PDE4D: variants seen among roughly 807,000 people sequenced by gnomAD.
PDE4D encodes phosphodiesterase 4D.
In PDE4D, 24 loss-of-function variants were observed where a neutral mutation model predicts 87.4. That is an observed-to-expected ratio of 0.27 (90% CI 0.20 to 0.39). The LOEUF (loss-of-function observed/expected upper bound fraction) is 0.39, where lower values mean the gene tolerates loss of function less well. Ranked by LOEUF, PDE4D falls within the 10% of genes least tolerant of loss-of-function variation. PDE4D has a pLI of 1.00. For missense variants in PDE4D, 714 were observed against 1,041.0 expected (o/e 0.69, Z 4.32); for synonymous variants, 384 against 383.2 (o/e 1.00, Z -0.02).
intron 2 of PDE4D, among the ~76,000 whole-genome samples, chr5:60,081,381 C>T (rs1344573201): frequency 6.8e-6 from 1 of 146,764 alleles, no homozygotes; most frequent in African/African-American, 2.5e-5. Flanking sequence ...TTTCATGTCT[C>T]TATCTCCTTC....
At chr5:60,105,736 C>A (rs1269411449) in intron 2 of PDE4D, among the ~76,000 whole-genome samples, 1 of 152,082 alleles carries the variant, frequency 6.6e-6, no homozygotes. Context: ...GAATTTTCAA[C>A]CCAGAATTTC....
intron 3 of PDE4D, among the ~76,000 whole-genome samples, chr5:59,902,163 A>G (rs1427280651): frequency 1.3e-5 from 2 of 152,174 alleles, no homozygotes; most frequent in Admixed American, 6.6e-5. Context: ...GTAGCAGAAG[A>G]CAACAAACAG....
intron 2 of PDE4D, among the ~76,000 whole-genome samples, chr5:60,051,401 C>G (rs1235205012): frequency 6.6e-6 from 1 of 152,178 alleles, no homozygotes; most frequent in Non-Finnish European, 1.5e-5. Context: ...AACCACACAA[C>G]TACATGGAAA....
chr5:59,785,616 A>G (rs776105262), intron 1 of PDE4D, among the ~76,000 whole-genome samples: 1 of 152,226 alleles, frequency 6.6e-6, no homozygotes, highest in Non-Finnish European at 1.5e-5. Flanking sequence ...TGATTAGTGG[A>G]CAGACAGGTG....
intron 2 of PDE4D, among the ~76,000 whole-genome samples, chr5:60,125,365 C>T (rs549854451): frequency 2.0e-5 from 3 of 152,142 alleles, no homozygotes; most frequent in South Asian, 4.1e-4. Context: ...GAAATATATC[C>T]AGATCTTATC....
chr5:59,879,462 G>A (rs1172115604), intron 1 of PDE4D, among the ~76,000 whole-genome samples: 3 of 152,288 alleles, frequency 2.0e-5, no homozygotes, highest in South Asian at 2.1e-4. Flanking sequence ...AATTTCTACT[G>A]TTTAATAATC....
At chr5:59,947,313 T>C (rs927894476) in intron 3 of PDE4D, among the ~76,000 whole-genome samples, 9 of 152,212 alleles carry the variant, frequency 5.9e-5, no homozygotes, top group African/African-American at 2.2e-4. Flanking sequence ...CAGCAGGTTC[T>C]TTCCTTCTCT....
intron 1 of PDE4D, among the ~76,000 whole-genome samples, chr5:59,850,170 A>G (rs1306720383): frequency 1.3e-5 from 2 of 152,064 alleles, no homozygotes; most frequent in East Asian, 3.9e-4. Flanking sequence ...ACATACTGAC[A>G]CATGCACACA....
chr5:59,018,559 TACAA>T (rs965153973), intron 6 of PDE4D, among the ~76,000 whole-genome samples: 15 of 152,276 alleles, frequency 9.9e-5, no homozygotes, highest in South Asian at 2.1e-4. Flanking sequence ...CGAAAAGCCT[TACAA>T]ACAGTGATCA....
At chr5:59,188,972 A>G (rs1263469480) in intron 3 of PDE4D, among the ~76,000 whole-genome samples, 2 of 152,146 alleles carry the variant, frequency 1.3e-5, no homozygotes, top group Non-Finnish European at 2.9e-5. Context: ...AAACGAGGTG[A>G]CTATCTTCTT....
intron 1 of PDE4D, among the ~76,000 whole-genome samples, chr5:60,334,381 T>A (rs1002065706): frequency 2.6e-5 from 4 of 152,158 alleles, no homozygotes; most frequent in Non-Finnish European, 5.9e-5. Context: ...AACATTAACT[T>A]GTTCATCTTG....
At chr5:59,834,369 G>A (rs1261445199) in intron 1 of PDE4D, among the ~76,000 whole-genome samples, 3 of 151,926 alleles carry the variant, frequency 2.0e-5, no homozygotes, top group Non-Finnish European at 4.4e-5. Context: ...ATCATCAGCT[G>A]GACAGTATTG....
chr5:59,939,161 G>A lies in PDE4D; in HGVS notation c.272+49327C>T, dbSNP rs78422441. Reference sequence around the variant, plus strand: ...GGCGGAGTATCCTGTTAAAGCACAAGAATGCAGTGTGCACAAGAAATAAGC... The same window carrying A: ...GGCGGAGTATCCTGTTAAAGCACAAAAATGCAGTGTGCACAAGAAATAAGC... On this transcript the variant is annotated intron_variant, in intron 3 of 16. Coordinates refer to the PDE4D transcript ENST00000502484. Among the ~76,000 whole-genome samples the A allele has an allele frequency of 2.0e-5, 3 of 152,194 alleles. No individual in the cohort carries two copies. In the East Asian group the frequency reaches 5.8e-4, roughly 29 times the overall value.
chr5:60,264,948 C>T (rs1275118145), intron 1 of PDE4D, among the ~76,000 whole-genome samples: 1 of 152,154 alleles, frequency 6.6e-6, no homozygotes, highest in Non-Finnish European at 1.5e-5. Flanking sequence ...CTGTGCTGGA[C>T]ACCAAGGATA....
chr5:59,673,633 G>T (rs1442594245), intron 1 of PDE4D, among the ~76,000 whole-genome samples: 2 of 152,098 alleles, frequency 1.3e-5, no homozygotes, highest in Admixed American at 1.3e-4. Flanking sequence ...GGGAAGCATG[G>T]CGCCATCTAG....
intron 1 of PDE4D, among the ~76,000 whole-genome samples, chr5:60,187,499 T>C (rs1443712380): frequency 1.3e-5 from 2 of 152,220 alleles, no homozygotes; most frequent in African/African-American, 4.8e-5. Context: ...TGAGTAGCCT[T>C]AGGGACAACC....
intron 1 of PDE4D, among the ~76,000 whole-genome samples, chr5:59,408,692 C>T (rs1454994435): frequency 1.3e-5 from 2 of 152,094 alleles, no homozygotes; most frequent in Admixed American, 1.3e-4. Flanking sequence ...GCAGAGCTGC[C>T]CAAGGCCTTG....
chr5:60,031,707 A>G (rs2152860176), intron 2 of PDE4D, among the ~76,000 whole-genome samples: 1 of 152,350 alleles, frequency 6.6e-6, no homozygotes, highest in African/African-American at 2.4e-5. Context: ...TATGATAAGA[A>G]TATTTAACTG....
intron 1 of PDE4D, among the ~76,000 whole-genome samples, chr5:59,313,281 C>G (rs1233283045): frequency 6.6e-6 from 1 of 152,184 alleles, no homozygotes; most frequent in Non-Finnish European, 1.5e-5. Context: ...TCTAAAGATT[C>G]ACATCCCCTT....
Sources: allele counts gnomAD v4.1 joint callset (sites outside exome capture counted in the v4.1 genomes callset), GRCh38; gene constraint gnomAD v4.1.1; transcripts MANE v1.5; gene names NCBI Gene and HGNC (gene_info 2026-07-23, HGNC 2026-07-21).